Variants in TBXAS1 observed in about 807,000 individuals in gnomAD.
The protein encoded by TBXAS1 is thromboxane-A synthase.
A neutral mutation model predicts 60.7 loss-of-function variants in TBXAS1; 48 were observed. The observed-to-expected ratio is 0.79, with a 90% CI of 0.63 to 1.01. The LOEUF (loss-of-function observed/expected upper bound fraction) is 1.01, where lower values mean the gene tolerates loss of function less well. Among genes scored for constraint, TBXAS1 ranks in the 50% least tolerant of loss-of-function variants. The probability of loss-of-function intolerance (pLI) is 0.00; values close to 1 mark genes in which losing one functional copy is unlikely to be tolerated. For synonymous variants in TBXAS1, 287 were observed against 269.7 expected (o/e 1.06, Z -0.63); for missense variants, 685 against 686.3 (o/e 1.00, Z 0.02).
rs1801246837 is a variant in TBXAS1, at chr7:139,865,008, T to C, written c.90-7227T>C. ...AAAAAAATACTCACTATTATAAATTTGTAAATGAACAGTCTCGTTTGCAGG... is the reference window on the plus strand; with the variant it reads ...AAAAAAATACTCACTATTATAAATTCGTAAATGAACAGTCTCGTTTGCAGG... On this transcript the variant is annotated intron_variant, in intron 1 of 12. Coordinates refer to ENST00000448866, the MANE Select transcript of TBXAS1 (RefSeq NM_001061.7). Among the ~76,000 whole-genome samples, 4 of 152,342 alleles carry C rather than the reference T, an allele frequency of 2.6e-5. No homozygotes were observed. In the South Asian group the frequency reaches 8.3e-4, roughly 32 times the overall value.
chr7:139,827,766 C>T (rs1322838161), upstream of TBXAS1, among the ~76,000 whole-genome samples: 2 of 152,164 alleles, frequency 1.3e-5, no homozygotes, highest in Admixed American at 6.6e-5. Flanking sequence ...ATACAAAATT[C>T]TTGGCTGATA....
Position 139,945,628 on chromosome 7 carries a change from G to A in TBXAS1, c.451-7740G>A, listed in dbSNP as rs115565607. ...AAACTTCATTAATCCATGACAACATGCAATAGTTACCACAAAAGAGCAATA... is the reference window on the plus strand; with the variant it reads ...AAACTTCATTAATCCATGACAACATACAATAGTTACCACAAAAGAGCAATA... On this transcript the variant is annotated intron_variant, in intron 5 of 12. Transcript: ENST00000448866. Among the ~76,000 whole-genome samples the A allele has an allele frequency of 3.5e-3, 532 of 152,292 alleles. 4 individuals carry two copies. Among genetic ancestry groups the A allele is most frequent in the African/African-American group, 0.012 (515 of 41,548 alleles).
At chr7:139,846,185 A>G (rs1350269179) in intron 1 of TBXAS1, among the ~76,000 whole-genome samples, 1 of 152,226 alleles carries the variant, frequency 6.6e-6, no homozygotes, top group South Asian at 2.1e-4. Context: ...CAACCAATTT[A>G]GGAAAATAAA....
At chr7:139,977,423 A>G (rs1464734723) in intron 9 of TBXAS1, among the ~76,000 whole-genome samples, 2 of 152,168 alleles carry the variant, frequency 1.3e-5, no homozygotes, top group Non-Finnish European at 2.9e-5. Context: ...ACTCGCCCCC[A>G]TGATTCAATT....
chr7:139,838,637 G>A (rs925200107), intron 1 of TBXAS1, among the ~76,000 whole-genome samples: 4 of 152,116 alleles, frequency 2.6e-5, no homozygotes, highest in South Asian at 2.1e-4. Flanking sequence ...AGGTGTATGC[G>A]TGAATTTGGA....
chr7:139,971,120 T>G (rs1363455406), intron 9 of TBXAS1, among the ~76,000 whole-genome samples: 4 of 152,090 alleles, frequency 2.6e-5, no homozygotes, highest in Non-Finnish European at 5.9e-5. Context: ...GTATCCAAGG[T>G]ACCCACCTCC....
chr7:139,810,576 A>G (rs1384126050), intron 4 of TBXAS1, among the ~76,000 whole-genome samples: 1 of 152,210 alleles, frequency 6.6e-6, no homozygotes, highest in African/African-American at 2.4e-5. Context: ...CTAATTTCTA[A>G]GCATTTTTAG....
intron 5 of TBXAS1, among the ~76,000 whole-genome samples, chr7:139,948,902 G>A (rs1363978088): frequency 6.6e-6 from 1 of 152,202 alleles, no homozygotes; most frequent in African/African-American, 2.4e-5. Context: ...ATGGCTATTG[G>A]CCAACATACA....
chr7:139,839,237 G>A (rs1799266471), intron 1 of TBXAS1, among the ~76,000 whole-genome samples: 1 of 152,162 alleles, frequency 6.6e-6, no homozygotes, highest in African/African-American at 2.4e-5. Context: ...TTTCTTTAAT[G>A]AGTGTGAATA....
chr7:139,814,031 C>T (rs1798089007), intron 4 of TBXAS1, among the ~76,000 whole-genome samples: 1 of 152,206 alleles, frequency 6.6e-6, no homozygotes, highest in African/African-American at 2.4e-5. Context: ...TGCCTTCCCC[C>T]AGCACGGCCT....
intron 5 of TBXAS1, among the ~76,000 whole-genome samples, chr7:139,949,988 C>T (rs2117285747): frequency 6.6e-6 from 1 of 151,098 alleles, no homozygotes; most frequent in South Asian, 2.1e-4. Context: ...ACACTTACTA[C>T]ATTGCAGATA....
Position 139,986,739 on chromosome 7 carries a change from ACATACATATATATATATGTG to A in TBXAS1, c.1135-20351_1135-20332del, listed in dbSNP as rs1275664316. Among the ~76,000 whole-genome samples, 123 of 41,598 alleles carry A rather than the reference ACATACATATATATATATGTG, an allele frequency of 3.0e-3. 4 individuals carry two copies. Among genetic ancestry groups the A allele is most frequent in the African/African-American group, 0.013 (112 of 8,382 alleles). 27.3% of individuals were successfully genotyped at this position (41,598 alleles called of 152,430 possible). ...TATTCCATCATATATATATATATAT[ACATACATATATATATATGTG>A]TGTGTGTGTGTGTGTGTGTGTGTGT... On this transcript the variant is annotated intron_variant, in intron 9 of 12. Coordinates refer to ENST00000448866, the MANE Select transcript of TBXAS1 (RefSeq NM_001061.7).
intron 1 of TBXAS1, among the ~76,000 whole-genome samples, chr7:139,860,612 G>T (rs909126804): frequency 6.6e-6 from 1 of 152,186 alleles, no homozygotes; most frequent in African/African-American, 2.4e-5. Context: ...TTGTCAGAGC[G>T]AGAGAAGGCA....
chr7:139,825,534 C>T (rs1798414517), upstream of TBXAS1, among the ~76,000 whole-genome samples: 1 of 152,186 alleles, frequency 6.6e-6, no homozygotes, highest in Non-Finnish European at 1.5e-5. Flanking sequence ...CTGGCAACTC[C>T]CCAAGAAAGC....
intron 5 of TBXAS1, among the ~76,000 whole-genome samples, chr7:139,949,265 T>A (rs1173111301): frequency 1.3e-5 from 2 of 152,238 alleles, no homozygotes; most frequent in African/African-American, 4.8e-5. Flanking sequence ...TTTTGTTATG[T>A]TAAGAAAGCT....
At position 140,007,129 on chromosome 7, in the gene TBXAS1, C is replaced by A; in HGVS notation, c.1173C>A (p.Pro391=). 6.2e-7 allele frequency: 1 copy of A among 1,614,200 alleles called. No individual in the cohort carries two copies. Residue 391 remains proline (P), a synonymous_variant, in exon 10 of 13, where the codon CCC becomes CCA. Coordinates refer to ENST00000448866, the MANE Select transcript of TBXAS1 (RefSeq NM_001061.7). ...TCTGCAGCCTCGAGGAAGGCCTGCCCTATCTGGACATGGTGATTGCAGAGA... is the reference window on the plus strand; with the variant it reads ...TCTGCAGCCTCGAGGAAGGCCTGCCATATCTGGACATGGTGATTGCAGAGA... ...PEFCSLEEGL[P]YLDMVIAETL...
intron 1 of TBXAS1, among the ~76,000 whole-genome samples, chr7:139,854,608 G>T (rs1487555764): frequency 6.6e-6 from 1 of 152,194 alleles, no homozygotes; most frequent in African/African-American, 2.4e-5. Context: ...ATAGGGCAGT[G>T]CCAGTTAGGA....
chr7:139,985,433 T>C (rs1373664396), intron 9 of TBXAS1, among the ~76,000 whole-genome samples: 2 of 152,204 alleles, frequency 1.3e-5, no homozygotes, highest in African/African-American at 2.4e-5. Context: ...ATCAGCTGCT[T>C]CCAAAGGCCA....
At chr7:139,810,619 A>T (rs930549484) in intron 4 of TBXAS1, among the ~76,000 whole-genome samples, 3 of 152,254 alleles carry the variant, frequency 2.0e-5, no homozygotes, top group African/African-American at 7.2e-5. Context: ...TATTAACTGC[A>T]TAGTCTTCTT....
Sources: allele counts gnomAD v4.1 joint callset (sites outside exome capture counted in the v4.1 genomes callset), GRCh38; gene constraint gnomAD v4.1.1; transcripts MANE v1.5; gene names NCBI Gene and HGNC (gene_info 2026-07-23, HGNC 2026-07-21).